TFG: variants seen among roughly 807,000 people sequenced by gnomAD.
TFG encodes trafficking from ER to golgi regulator.
TFG carries 22 observed loss-of-function variants against 51.4 expected under a neutral mutation model. The observed-to-expected ratio is 0.43, with a 90% CI of 0.31 to 0.61. TFG has a LOEUF of 0.61. Among genes scored for constraint, TFG ranks in the 20% least tolerant of loss-of-function variants. TFG has a pLI of 0.12. For missense variants in TFG, 419 were observed against 487.7 expected, an observed-to-expected ratio of 0.86 and a Z score of 1.33; for synonymous variants, 187 against 165.6, an observed-to-expected ratio of 1.13 and a Z score of -0.99.
chr3:100,717,711 A>G (rs2149063575), intron 2 of TFG, among the ~76,000 whole-genome samples: 1 of 151,504 alleles, frequency 6.6e-6, no homozygotes, highest in African/African-American at 2.4e-5. Flanking sequence ...TAGAAACACT[A>G]CTTATTTTTG....
At chr3:100,726,640 G>A (rs1352685751) in intron 3 of TFG, among the ~76,000 whole-genome samples, 1 of 152,224 alleles carries the variant, frequency 6.6e-6, no homozygotes, top group Non-Finnish European at 1.5e-5. Context: ...CTGGTAAGAT[G>A]TATCAGTGTG....
chr3:100,713,718 A>G lies in TFG; in HGVS notation c.33A>G (p.Leu11=), dbSNP rs369343773. 2.5e-6 allele frequency: 4 copies of G among 1,609,446 alleles called. No individual in the cohort carries two copies. Among genetic ancestry groups the G allele is most frequent in the Non-Finnish European group, 1.7e-6 (2 of 1,177,064 alleles). The part of the protein sequence containing the change: MNGQLDLSGK[L]IIKAQLGEDI... ...GACAGTTGGATCTAAGTGGGAAGCT[A>G]ATCATCAAAGCTCAACTTGGGGAGG... The change falls in exon 2 of 8, where the codon CTA becomes CTG. Residue 11 remains leucine, a synonymous_variant. Transcript: ENST00000240851.
chr3:100,736,488 T>A, intron 5 of TFG, 88 bp from the exon 6 acceptor site: 1 of 1,420,652 alleles, frequency 7.0e-7, no homozygotes, highest in Non-Finnish European at 9.7e-7. Context: ...ATAGTACTTT[T>A]AGTATCTTTT....
At chr3:100,743,346 A>G (rs1446834233) in intron 6 of TFG, 3 of 152,126 alleles carry the variant, frequency 2.0e-5, no homozygotes, top group African/African-American at 7.2e-5. Context: ...CCCCTTGATT[A>G]TATTTCTGTA....
chr3:100,730,347 T>C (rs2095088109), intron 4 of TFG, among the ~76,000 whole-genome samples: 1 of 152,222 alleles, frequency 6.6e-6, no homozygotes, highest in South Asian at 2.1e-4. Flanking sequence ...CTATATTTTT[T>C]ATACATACTG....
chr3:100,719,928 A>C, intron 2 of TFG, 47 bp from the exon 3 acceptor site: 1 of 1,273,306 alleles, frequency 7.9e-7, no homozygotes, highest in Non-Finnish European at 1.1e-6. Flanking sequence ...TACAAATCTG[A>C]AAATTTAAAA....
intron 5 of TFG, among the ~76,000 whole-genome samples, chr3:100,733,988 C>G (rs2095098874): frequency 6.6e-6 from 1 of 151,396 alleles, no homozygotes; most frequent in Non-Finnish European, 1.5e-5. Context: ...AGATCATTAG[C>G]AAGAGTGATG....
At chr3:100,716,624 C>T (rs2095047160) in intron 2 of TFG, among the ~76,000 whole-genome samples, 1 of 152,186 alleles carries the variant, frequency 6.6e-6, no homozygotes, top group Non-Finnish European at 1.5e-5. Context: ...ATACTGTTCT[C>T]CCTAGTGGCT....
chr3:100,717,608 ATCT>A (rs1383636340), intron 2 of TFG, among the ~76,000 whole-genome samples: 11 of 93,316 alleles, frequency 1.2e-4, no homozygotes, highest in South Asian at 5.9e-4. Flanking sequence ...GAGGTTTTTC[ATCT>A]TCTTGGTTAA....
In TFG at chr3:100,718,634, T is replaced by C. The variant is rs892982981; in HGVS notation, c.185-1341T>C. Among the ~76,000 whole-genome samples the C allele has an allele frequency of 7.0e-5, 10 of 142,526 alleles. No individual in the cohort carries two copies. The Middle Eastern group carries it at 0.015, about 216-fold the overall frequency. The allele number at this position is 142,526 out of a possible 152,430, so 93.5% of individuals were successfully genotyped here. On this transcript the variant is annotated intron_variant, in intron 2 of 7. Coordinates refer to ENST00000240851, the MANE Select transcript of TFG (RefSeq NM_006070.6). Reference sequence around the variant, plus strand: ...GTACAGTGGGGTGATCTTGGCTCACTGCAGCCTCCACATCCCAGGTTCAAG... The same window carrying C: ...GTACAGTGGGGTGATCTTGGCTCACCGCAGCCTCCACATCCCAGGTTCAAG...
chr3:100,742,417 TAAAAAC>T (rs1464710512), intron 6 of TFG: 1 of 152,186 alleles, frequency 6.6e-6, no homozygotes, highest in African/African-American at 2.4e-5. Context: ...GAAAGATTAA[TAAAAAC>T]AAATAAGATA....
intron 2 of TFG, among the ~76,000 whole-genome samples, chr3:100,719,755 T>C (rs1202195773): frequency 6.6e-6 from 1 of 152,222 alleles, no homozygotes; most frequent in African/African-American, 2.4e-5. Flanking sequence ...TGTGGATATG[T>C]GTAAATACCT....
intron 3 of TFG, among the ~76,000 whole-genome samples, chr3:100,724,709 C>G (rs1002584955): frequency 6.6e-6 from 1 of 152,154 alleles, no homozygotes; most frequent in African/African-American, 2.4e-5. Context: ...ATTTACAAAT[C>G]AAACTCATCA....
At chr3:100,733,087 T>G (rs1181761798) in intron 5 of TFG, among the ~76,000 whole-genome samples, 1 of 152,242 alleles carries the variant, frequency 6.6e-6, no homozygotes, top group Non-Finnish European at 1.5e-5. Flanking sequence ...TAGATTTTCT[T>G]GTTAAATTGC....
chr3:100,738,472 G>A (rs1014407146), intron 6 of TFG, among the ~76,000 whole-genome samples: 1 of 152,152 alleles, frequency 6.6e-6, no homozygotes, highest in Non-Finnish European at 1.5e-5. Flanking sequence ...GGGAATTAAG[G>A]CGCTACTAGC....
intron 5 of TFG, among the ~76,000 whole-genome samples, chr3:100,734,988 G>C (rs2095102589): frequency 6.6e-6 from 1 of 152,054 alleles, no homozygotes; most frequent in African/African-American, 2.4e-5. Flanking sequence ...GGGAAGGAGG[G>C]ATAAAATATT....
intron 4 of TFG, among the ~76,000 whole-genome samples, chr3:100,731,592 G>A (rs900468583): frequency 2.0e-5 from 3 of 151,950 alleles, no homozygotes; most frequent in Admixed American, 6.6e-5. Context: ...ACACATTTCC[G>A]CCCCTCCTGT....
chr3:100,714,221 C>A (rs1238956346), intron 2 of TFG, among the ~76,000 whole-genome samples: 1 of 151,934 alleles, frequency 6.6e-6, no homozygotes, highest in Non-Finnish European at 1.5e-5. Context: ...TAAGTGGGGC[C>A]GGGCGCAGCA....
intron 3 of TFG, 27 bp downstream of exon 3, chr3:100,720,085 T>A: frequency 7.4e-7 from 1 of 1,349,542 alleles, no homozygotes; most frequent in Non-Finnish European, 1.0e-6. Flanking sequence ...CTAATGAATT[T>A]ACTATTTTAT....
Sources: gnomAD v4.1 joint callset for allele counts (sites outside exome capture counted in the v4.1 genomes callset) on GRCh38, gnomAD v4.1.1 for gene constraint, MANE v1.5 for transcripts, NCBI Gene and HGNC (gene_info 2026-07-23, HGNC 2026-07-21) for gene names.